The following BBOF1 variants were observed in gnomAD, a reference collection of about 807,000 sequenced individuals.
BBOF1 encodes the protein basal body orientation factor 1, also known as basal body-orientation factor 1.
Under a neutral mutation model 68.0 loss-of-function variants are expected in BBOF1, and 62 were observed. The ratio of observed to expected loss-of-function variants is 0.91; its 90% CI spans 0.74 to 1.13. The LOEUF (loss-of-function observed/expected upper bound fraction) is 1.13. Among genes scored for constraint, BBOF1 ranks in the 50% most tolerant of loss-of-function variants. The pLI is 0.00. For synonymous variants in BBOF1, 208 were observed against 198.8 expected, an observed-to-expected ratio of 1.05 and a Z score of -0.39; for missense variants, 534 against 600.1, an observed-to-expected ratio of 0.89 and a Z score of 1.15.
At chr14:74,029,900 T>C (rs1015518969) in intron 3 of BBOF1, among the ~76,000 whole-genome samples, 2 of 152,166 alleles carry the variant, frequency 1.3e-5, no homozygotes, top group East Asian at 1.9e-4. Context: ...AATTTTTACT[T>C]AACTTTATCT....
rs1021113956 is a variant in BBOF1 at position 74,065,853 on chromosome 14, C to T, written c.*1154C>T. ...GTATGTTTATATTTTGATATCAGGT[C>T]GCAGACACTCAAAACATCCTTCACC... On this transcript the variant is annotated 3_prime_UTR_variant, in exon 12 of 12. Transcript: ENST00000394009. 4.7e-5 allele frequency: 8 copies of T among 168,734 alleles called. No homozygotes were observed. The highest frequency in any genetic ancestry group is 9.0e-5 in the Non-Finnish European group (7 of 77,408). The allele number at this position is 168,734 out of a possible 1,614,324, so 10.5% of individuals were successfully genotyped here.
chr14:74,077,133 T>C (rs979308241), intron 9 of BBOF1, among the ~76,000 whole-genome samples: 6 of 152,132 alleles, frequency 3.9e-5, no homozygotes, highest in African/African-American at 1.4e-4. Context: ...ACTGACACTC[T>C]CCTGGAGCCC....
chr14:74,037,729 G>A (rs1446162859), intron 4 of BBOF1, among the ~76,000 whole-genome samples: 1 of 151,798 alleles, frequency 6.6e-6, no homozygotes, highest in Non-Finnish European at 1.5e-5. Context: ...CGAGGCAGGC[G>A]GATGACCTGA....
chr14:74,030,305 C>G (rs1329878150), intron 3 of BBOF1, among the ~76,000 whole-genome samples: 1 of 151,954 alleles, frequency 6.6e-6, no homozygotes, highest in African/African-American at 2.4e-5. Context: ...CTCCTTGCCT[C>G]AGCCTCCCGA....
At position 74,064,745 on chromosome 14, in the gene BBOF1, T is replaced by C. The variant is rs2060431251; in HGVS notation, c.*46T>C. 7 of 1,612,280 alleles carry C rather than the reference T, an allele frequency of 4.3e-6. No homozygotes were observed. The East Asian group carries it at 1.3e-4, about 31-fold the overall frequency. ...ACAGATGCTGCTGGCAGTCCCTTCC[T>C]TGCAGAATCCTTGCTCCTGAATATC... is the stretch of plus-strand genomic sequence containing the variant. On this transcript the variant is annotated 3_prime_UTR_variant, in exon 12 of 12. Transcript: ENST00000394009.
At chr14:74,044,128 C>A (rs1012742524) in intron 5 of BBOF1, among the ~76,000 whole-genome samples, 1 of 151,868 alleles carries the variant, frequency 6.6e-6, no homozygotes, top group Non-Finnish European at 1.5e-5. Flanking sequence ...CACCTGTAGT[C>A]CCAGCTACTT....
Position 74,064,955 on chromosome 14 carries a change from A to G in BBOF1, c.*256A>G. On this transcript the variant is annotated 3_prime_UTR_variant, in exon 12 of 12. Transcript: ENST00000394009. Reference sequence around the variant, plus strand: ...AACAAATCCGTGTCATATCCTAAGGACAAAGGAACTCTCCATTTAGAAACA... The same window carrying G: ...AACAAATCCGTGTCATATCCTAAGGGCAAAGGAACTCTCCATTTAGAAACA... 6.3e-7 allele frequency: 1 copy of G among 1,581,586 alleles called. No homozygotes were observed. The highest frequency in any genetic ancestry group is 1.3e-5 in the African/African-American group (1 of 74,252).
chr14:74,042,175 C>T (rs1294951408), intron 5 of BBOF1, among the ~76,000 whole-genome samples: 1 of 152,162 alleles, frequency 6.6e-6, no homozygotes, highest in Non-Finnish European at 1.5e-5. Flanking sequence ...ATGCCTTGCT[C>T]CTATGGGGTT....
At chr14:74,067,997 T>TAA (rs35503985), downstream of BBOF1, among the ~76,000 whole-genome samples, 36,259 of 132,734 alleles carry the variant, frequency 0.27, 5,580 homozygotes, top group South Asian at 0.44. Context: ...AGAGCAATGT[T>TAA]AAAAAAAAAA....
chr14:74,030,921 CATATAT>C (rs71460943), intron 3 of BBOF1, among the ~76,000 whole-genome samples: 6 of 147,336 alleles, frequency 4.1e-5, no homozygotes, highest in East Asian at 2.0e-4. Context: ...AAGTCATAAA[CATATAT>C]ATATATATAT....
downstream of BBOF1, chr14:74,069,401 CTG>C (rs1165647912): frequency 8.1e-6 from 2 of 246,026 alleles, no homozygotes; most frequent in African/African-American, 2.3e-5. Flanking sequence ...TGCATCAGGC[CTG>C]TGTTTTTCTG....
At chr14:74,054,266 T>C (rs1034613486) in intron 8 of BBOF1, among the ~76,000 whole-genome samples, 7 of 152,240 alleles carry the variant, frequency 4.6e-5, no homozygotes, top group African/African-American at 1.7e-4. Context: ...CACCTTGGCC[T>C]CCCAAATTAC....
intron 1 of BBOF1, among the ~76,000 whole-genome samples, chr14:74,022,121 C>A (rs898596495): frequency 5.3e-5 from 8 of 152,080 alleles, no homozygotes; most frequent in Non-Finnish European, 1.2e-4. Flanking sequence ...CACCTGTAAT[C>A]TCAGCACGTT....
At chr14:74,025,850 G>A (rs1444135618) in intron 2 of BBOF1, among the ~76,000 whole-genome samples, 1 of 151,496 alleles carries the variant, frequency 6.6e-6, no homozygotes, top group Non-Finnish European at 1.5e-5. Context: ...AGGCTGGGCT[G>A]TTCATGGTGG....
rs1398558823 is a variant in BBOF1, at chr14:74,065,465, T to C, written c.*766T>C. The C allele has an allele frequency of 2.0e-6, 2 of 1,022,820 alleles. No individual in the cohort carries two copies. The highest frequency in any genetic ancestry group is 3.0e-6 in the Non-Finnish European group (2 of 677,284). The allele number at this position is 1,022,820 out of a possible 1,614,324, so 63.4% of individuals were successfully genotyped here. ...ACTACACATCATTTACGTGGACAACTTTCATATTACTAATCTCTTTTCATT... is the reference window on the plus strand; with the variant it reads ...ACTACACATCATTTACGTGGACAACCTTCATATTACTAATCTCTTTTCATT... On this transcript the variant is annotated 3_prime_UTR_variant, in exon 12 of 12. Transcript: ENST00000394009.
At chr14:74,044,762 C>G (rs182514005) in intron 5 of BBOF1, among the ~76,000 whole-genome samples, 397 of 152,024 alleles carry the variant, frequency 2.6e-3, no homozygotes, top group African/African-American at 8.9e-3. Context: ...CCCGTCTCTA[C>G]AAAAATACAA....
At position 74,065,410 on chromosome 14, in the gene BBOF1, G is replaced by A. The variant is rs767749111; in HGVS notation, c.*711G>A. On this transcript the variant is annotated 3_prime_UTR_variant, in exon 12 of 12. Coordinates refer to ENST00000394009, the MANE Select transcript of BBOF1 (RefSeq NM_025057.3). ...AAGAAGTCAGCTTTTTGGATTCTGA[G>A]TATTTTATGCTTATTTGGTACTTTC... 2.6e-6 allele frequency: 4 copies of A among 1,554,140 alleles called. No homozygotes were observed. The highest frequency in any genetic ancestry group is 3.5e-6 in the Non-Finnish European group (4 of 1,131,798).
At chr14:74,022,496 C>T (rs967654649) in intron 1 of BBOF1, among the ~76,000 whole-genome samples, 3 of 151,984 alleles carry the variant, frequency 2.0e-5, no homozygotes, top group Admixed American at 6.6e-5. Flanking sequence ...TCTGGGGAGC[C>T]GAGATCGTGC....
intron 5 of BBOF1, among the ~76,000 whole-genome samples, chr14:74,043,669 G>A (rs1434124705): frequency 1.3e-5 from 2 of 149,160 alleles, no homozygotes; most frequent in African/African-American, 4.9e-5. Context: ...GGTTCAACTG[G>A]TTCTCCTGCC....
Sources: allele counts gnomAD v4.1 joint callset (sites outside exome capture counted in the v4.1 genomes callset), GRCh38; gene constraint gnomAD v4.1.1; transcripts MANE v1.5; gene names NCBI Gene and HGNC (gene_info 2026-07-23, HGNC 2026-07-21).